RIC1: variants seen among roughly 807,000 people sequenced by gnomAD.
RIC1 encodes the protein guanine nucleotide exchange factor subunit RIC1.
Under a neutral mutation model 169.0 loss-of-function variants are expected in RIC1, and 88 were observed. That is an observed-to-expected ratio of 0.52 (90% CI 0.44 to 0.62). The LOEUF (loss-of-function observed/expected upper bound fraction) is 0.62, where lower values mean the gene tolerates loss of function less well. RIC1 is among the 20% of genes least tolerant of loss of function. The pLI, the probability that RIC1 is intolerant of heterozygous loss-of-function variation, is 0.00. For missense variants in RIC1, 1,877 were observed against 1,725.5 expected, an observed-to-expected ratio of 1.09 and a Z score of -1.56; for synonymous variants, 790 against 601.5, an observed-to-expected ratio of 1.31 and a Z score of -4.59.
chr9:5,756,457 A>G, intron 16 of RIC1, 85 bp downstream of exon 16: 1 of 908,018 alleles, frequency 1.1e-6, no homozygotes, highest in African/African-American at 1.7e-5. Context: ...CAAAACAGTT[A>G]TTCCACTTTT....
chr9:5,662,163 G>A (rs1310630021), intron 2 of RIC1, among the ~76,000 whole-genome samples: 3 of 152,200 alleles, frequency 2.0e-5, no homozygotes, highest in Non-Finnish European at 2.9e-5. Flanking sequence ...AACCAGTCTT[G>A]CATTCCGGGG....
chr9:5,655,189 G>A (rs187468880), intron 1 of RIC1, among the ~76,000 whole-genome samples: 2 of 152,252 alleles, frequency 1.3e-5, no homozygotes, highest in Admixed American at 1.3e-4. Flanking sequence ...TTGAGCTGTA[G>A]GTTTCTCATA....
chr9:5,659,087 G>C (rs757315514), intron 2 of RIC1, among the ~76,000 whole-genome samples: 5 of 152,064 alleles, frequency 3.3e-5, no homozygotes, highest in Non-Finnish European at 7.4e-5. Context: ...ATTCTCATTA[G>C]TGGATGTATA....
At position 5,671,277 on chromosome 9, in the gene RIC1, T is replaced by A. The variant is rs192112890; in HGVS notation, c.252+14587T>A. On this transcript the variant is annotated intron_variant, in intron 2 of 25. Coordinates refer to ENST00000414202, the MANE Select transcript of RIC1 (RefSeq NM_020829.4). Reference sequence around the variant, plus strand: ...TTATTTTATTATTATTATTATTATTTTTTTTTTTTTGAGACGGCATCTTGC... The same window carrying A: ...TTATTTTATTATTATTATTATTATTATTTTTTTTTTGAGACGGCATCTTGC... Among the ~76,000 whole-genome samples the A allele has an allele frequency of 8.1e-3, 1,216 of 150,110 alleles. 8 individuals carry two copies. The highest frequency in any genetic ancestry group is 0.015 in the South Asian group (72 of 4,782).
chr9:5,671,867 A>G (rs578075917), intron 2 of RIC1, among the ~76,000 whole-genome samples: 2 of 152,208 alleles, frequency 1.3e-5, no homozygotes, highest in Admixed American at 1.3e-4. Context: ...GCACTGAGAC[A>G]GGATCTGAGA....
At chr9:5,728,346 C>T (rs755376331) in intron 6 of RIC1, among the ~76,000 whole-genome samples, 4 of 152,234 alleles carry the variant, frequency 2.6e-5, no homozygotes, top group South Asian at 2.1e-4. Flanking sequence ...CCAAGCCAGG[C>T]GCAGGATATA....
intron 2 of RIC1, among the ~76,000 whole-genome samples, chr9:5,687,042 G>C (rs1326492995): frequency 6.6e-6 from 1 of 152,074 alleles, no homozygotes; most frequent in Non-Finnish European, 1.5e-5. Flanking sequence ...GGCTTTTCAG[G>C]GTACAGATTT....
intron 1 of RIC1, among the ~76,000 whole-genome samples, chr9:5,631,223 A>G (rs1817699886): frequency 6.6e-6 from 1 of 152,184 alleles, no homozygotes; most frequent in Non-Finnish European, 1.5e-5. Flanking sequence ...AATTTAAACT[A>G]TTCATACTCT....
intron 4 of RIC1, among the ~76,000 whole-genome samples, chr9:5,714,349 A>T (rs1183025368): frequency 6.6e-6 from 1 of 152,198 alleles, no homozygotes; most frequent in Non-Finnish European, 1.5e-5. Context: ...TTTGTTTCCA[A>T]AGTTGCCATA....
intron 7 of RIC1, among the ~76,000 whole-genome samples, chr9:5,734,698 C>G (rs1824588975): frequency 6.6e-6 from 1 of 152,160 alleles, no homozygotes; most frequent in Admixed American, 6.5e-5. Flanking sequence ...TCTGCTACTT[C>G]CTAGTCACAA....
chr9:5,661,491 G>A (rs963638895), intron 2 of RIC1, among the ~76,000 whole-genome samples: 2 of 152,014 alleles, frequency 1.3e-5, no homozygotes, highest in Admixed American at 1.3e-4. Flanking sequence ...CCATTTGTTC[G>A]TGTCATCTGT....
intron 23 of RIC1, 107 bp downstream of exon 23, chr9:5,770,385 T>A: frequency 1.0e-6 from 1 of 997,954 alleles, no homozygotes; most frequent in Non-Finnish European, 1.5e-6. Flanking sequence ...GATGGAGGAT[T>A]AACCATTTGT....
At chr9:5,659,120 A>G (rs1404798036) in intron 2 of RIC1, among the ~76,000 whole-genome samples, 1 of 152,094 alleles carries the variant, frequency 6.6e-6, no homozygotes, top group African/African-American at 2.4e-5. Context: ...GTTGTACTTT[A>G]TGTTAAATGT....
chr9:5,756,307 C>T lies in RIC1; in HGVS notation c.1788C>T (p.Asp596=), dbSNP rs771101712. 3.8e-6 allele frequency: 6 copies of T among 1,599,006 alleles called. No individual in the cohort carries two copies. Among genetic ancestry groups the T allele is most frequent in the Non-Finnish European group, 1.7e-6 (2 of 1,170,944 alleles). The change falls in exon 16 of 26, where the codon GAC becomes GAT. Residue 596 remains aspartate, a synonymous_variant. Transcript: ENST00000414202. ...CATTACTGCTTAGTGTCTTCCAGGA[C>T]ATGGTAATAGTATTTAGAGCAGACT... ...AETLLLSVFQ[D]MVIVFRADCS... is the part of the protein sequence containing the mutation.
chr9:5,768,505 G>A (rs1441382473), intron 21 of RIC1, among the ~76,000 whole-genome samples: 1 of 152,084 alleles, frequency 6.6e-6, no homozygotes, highest in Non-Finnish European at 1.5e-5. Context: ...TCCAGACTGG[G>A]TGACATTGTG....
At chr9:5,638,891 G>A (rs151146598) in intron 1 of RIC1, among the ~76,000 whole-genome samples, 39 of 152,048 alleles carry the variant, frequency 2.6e-4, no homozygotes, top group African/African-American at 9.2e-4. Flanking sequence ...TGTTTAAGAG[G>A]CATCATTAGG....
At chr9:5,730,113 G>T (rs929842704) in intron 6 of RIC1, among the ~76,000 whole-genome samples, 5 of 152,094 alleles carry the variant, frequency 3.3e-5, no homozygotes, top group African/African-American at 1.2e-4. Context: ...CAAGAAAACA[G>T]TACCTATGTA....
At chr9:5,672,091 G>A (rs1025984468) in intron 2 of RIC1, among the ~76,000 whole-genome samples, 1 of 152,222 alleles carries the variant, frequency 6.6e-6, no homozygotes, top group African/African-American at 2.4e-5. Flanking sequence ...CTCAGAGACA[G>A]TGCCTGAGAG....
intron 2 of RIC1, among the ~76,000 whole-genome samples, chr9:5,686,712 G>C (rs563425102): frequency 1.3e-5 from 2 of 151,956 alleles, no homozygotes; most frequent in Non-Finnish European, 1.5e-5. Flanking sequence ...CACCAGTATG[G>C]CACATGTATA....
Sources: allele counts gnomAD v4.1 joint callset (sites outside exome capture counted in the v4.1 genomes callset), GRCh38; gene constraint gnomAD v4.1.1; transcripts MANE v1.5; gene names NCBI Gene and HGNC (gene_info 2026-07-23, HGNC 2026-07-21).